Variants in PSD3 observed in about 807,000 individuals in gnomAD.
PSD3 encodes the protein PH and SEC7 domain-containing protein 3.
Under a neutral mutation model 105.5 loss-of-function variants are expected in PSD3, and 49 were observed. The observed-to-expected ratio is 0.46, with a 90% CI of 0.37 to 0.59. The LOEUF (loss-of-function observed/expected upper bound fraction) is 0.59. Among genes scored for constraint, PSD3 ranks in the 20% least tolerant of loss-of-function variants. The pLI, the probability that PSD3 is intolerant of heterozygous loss-of-function variation, is 0.00. For missense variants in PSD3, 1,561 were observed against 1,263.8 expected (o/e 1.24, Z -3.57); for synonymous variants, 557 against 457.8 (o/e 1.22, Z -2.77).
At chr8:18,926,183 T>A (rs1287773096) in intron 2 of PSD3, among the ~76,000 whole-genome samples, 1 of 151,848 alleles carries the variant, frequency 6.6e-6, no homozygotes, top group South Asian at 2.1e-4. Context: ...TAGAAGAATA[T>A]ACATTCAGAG....
At chr8:18,676,425 T>A (rs1800067852) in intron 9 of PSD3, among the ~76,000 whole-genome samples, 1 of 152,128 alleles carries the variant, frequency 6.6e-6, no homozygotes, top group Admixed American at 6.5e-5. Flanking sequence ...CTCTACCACC[T>A]CACTGATGCC....
At chr8:18,893,762 G>C (rs1324371714) in intron 2 of PSD3, among the ~76,000 whole-genome samples, 1 of 152,150 alleles carries the variant, frequency 6.6e-6, no homozygotes, top group Admixed American at 6.5e-5. Context: ...GAAAGGCAGG[G>C]TAAAGGATTT....
chr8:18,905,494 T>C (rs1819783631), intron 2 of PSD3, among the ~76,000 whole-genome samples: 1 of 152,186 alleles, frequency 6.6e-6, no homozygotes, highest in African/African-American at 2.4e-5. Context: ...CGGATAATTT[T>C]TGTATTTTTA....
intron 1 of PSD3, among the ~76,000 whole-genome samples, chr8:19,048,613 A>T (rs561593416): frequency 4.3e-4 from 66 of 152,320 alleles, no homozygotes; most frequent in African/African-American, 1.6e-3. Flanking sequence ...AATAAACATG[A>T]GAACTGTGAA....
chr8:18,535,823 T>G lies in PSD3; in HGVS notation c.3064A>C (p.Thr1022Pro). 1 of 1,614,136 alleles carries G rather than the reference T, an allele frequency of 6.2e-7. No individual in the cohort carries two copies. The highest frequency in any genetic ancestry group is 8.5e-7 in the Non-Finnish European group (1 of 1,180,004). Residue 1022 changes from threonine (T) to proline (P), a missense_variant, in exon 16 of 16, where the codon ACT becomes CCT. Thr to Pro is a conservative substitution (Grantham distance 38). Coordinates refer to ENST00000327040, the MANE Select transcript of PSD3 (RefSeq NM_015310.4). ...GACACGTTACGCTTGACTTTGGCAG[T>G]GATTGGAGAAGTATCCGGGTTCAGC... ...PSLNPDTSPI[T>P]AKVKRNVSER... is the part of the protein sequence containing the mutation.
chr8:18,826,947 T>C (rs1813240560), intron 4 of PSD3, among the ~76,000 whole-genome samples: 1 of 152,216 alleles, frequency 6.6e-6, no homozygotes, highest in Non-Finnish European at 1.5e-5. Context: ...GTGATATGAA[T>C]GGTATGATAA....
Position 18,632,724 on chromosome 8 carries a change from T to C in PSD3, c.2299A>G (p.Ile767Val). ...AAAAATGGGTTAGTAGTACTTCCAA[T>C]ACGACTGATGGTCTTTGGATGTGTT... is the stretch of plus-strand genomic sequence containing the variant. ...NGTHPKTISRIGSTTNPFLDI... is the reference protein window; with the variant it reads ...NGTHPKTISRVGSTTNPFLDI... Residue 767 changes from isoleucine (I) to valine (V), a missense_variant, in exon 11 of 16, where the codon ATT becomes GTT. Transcript: ENST00000327040. 6.2e-7 allele frequency: 1 copy of C among 1,608,474 alleles called. No individual in the cohort carries two copies. The highest frequency in any genetic ancestry group is 8.5e-7 in the Non-Finnish European group (1 of 1,175,158).
In PSD3 at chr8:18,758,512, C is replaced by G. The variant is rs531392587; in HGVS notation, c.2172+6937G>C. ...GTTTGAACTTACAAAAATGGCTTAT[C>G]TCTAGATTTTTAATGGCTGATTCAT... On this transcript the variant is annotated intron_variant, in intron 9 of 15. Coordinates refer to ENST00000327040, the MANE Select transcript of PSD3 (RefSeq NM_015310.4). 5.7e-4 allele frequency among the ~76,000 whole-genome samples: 85 copies of G among 150,286 alleles called. 2 individuals are homozygous for G. In the South Asian group the frequency reaches 9.6e-3, roughly 17 times the overall value.
chr8:18,957,673 C>G (rs968056386), intron 1 of PSD3, among the ~76,000 whole-genome samples: 1 of 152,210 alleles, frequency 6.6e-6, no homozygotes, highest in Non-Finnish European at 1.5e-5. Context: ...TACCTTATGT[C>G]TGGGCATTTT....
chr8:18,686,043 CA>C (rs1446289812), intron 9 of PSD3, among the ~76,000 whole-genome samples: 1 of 152,044 alleles, frequency 6.6e-6, no homozygotes, highest in African/African-American at 2.4e-5. Context: ...AAACAAACAA[CA>C]ACAACAACAA....
At position 18,890,694 on chromosome 8, in the gene PSD3, G is replaced by A. The variant is rs115048212; in HGVS notation, c.131-17961C>T. 5.4e-3 allele frequency among the ~76,000 whole-genome samples: 819 copies of A among 152,064 alleles called. 11 individuals are homozygous for A. Among genetic ancestry groups the A allele is most frequent in the African/African-American group, 0.019 (790 of 41,446 alleles). ...AAGTCACCTGCAAACCTCTATAATT[G>A]TCCTAGAGCTACTTCACAGATGAAC... On this transcript the variant is annotated intron_variant, in intron 2 of 15. Coordinates refer to ENST00000327040, the MANE Select transcript of PSD3 (RefSeq NM_015310.4).
rs927560853 is a variant in PSD3, at chr8:18,675,198, G to A, written c.2173-19513C>T. 1.1e-4 allele frequency among the ~76,000 whole-genome samples: 17 copies of A among 152,226 alleles called. No homozygotes were observed. In the East Asian group the frequency reaches 2.9e-3, roughly 26 times the overall value. On this transcript the variant is annotated intron_variant, in intron 9 of 15. Coordinates refer to ENST00000327040, the MANE Select transcript of PSD3 (RefSeq NM_015310.4). The stretch of plus-strand genomic sequence containing the variant: ...GGAGACCTTAGAAGAAAACTGTAAT[G>A]AAAAAGCTCAATAAGGATTCGTTCC...
At chr8:18,639,047 T>C (rs376145878) in intron 10 of PSD3, among the ~76,000 whole-genome samples, 44 of 152,254 alleles carry the variant, frequency 2.9e-4, no homozygotes, top group African/African-American at 1.0e-3. Flanking sequence ...CATCCCCTCT[T>C]CGATCCCTAC....
chr8:18,864,160 C>T (rs923286224), intron 4 of PSD3, among the ~76,000 whole-genome samples: 1 of 152,202 alleles, frequency 6.6e-6, no homozygotes, highest in Non-Finnish European at 1.5e-5. Context: ...TGGTCTTGTT[C>T]TAGATCTACC....
At chr8:18,817,760 G>T (rs1812334085) in intron 4 of PSD3, among the ~76,000 whole-genome samples, 1 of 152,164 alleles carries the variant, frequency 6.6e-6, no homozygotes, top group Non-Finnish European at 1.5e-5. Flanking sequence ...CTGCCAATGA[G>T]CTCTCTCTAT....
intron 9 of PSD3, among the ~76,000 whole-genome samples, chr8:18,657,197 T>G (rs1181588240): frequency 6.6e-6 from 1 of 152,230 alleles, no homozygotes; most frequent in Non-Finnish European, 1.5e-5. Flanking sequence ...TGTATTTCTA[T>G]CCTTTCGCCC....
chr8:18,600,751 T>A (rs1228466658), intron 11 of PSD3, among the ~76,000 whole-genome samples: 1 of 152,178 alleles, frequency 6.6e-6, no homozygotes, highest in Non-Finnish European at 1.5e-5. Flanking sequence ...CCAGGTAGCA[T>A]GGCTGACAAC....
chr8:18,637,165 T>C (rs1585459510), intron 10 of PSD3, among the ~76,000 whole-genome samples: 1 of 152,250 alleles, frequency 6.6e-6, no homozygotes, highest in East Asian at 1.9e-4. Context: ...ATTTATGTAC[T>C]AGAGTACAGT....
intron 12 of PSD3, among the ~76,000 whole-genome samples, chr8:18,586,353 G>A (rs1803184852): frequency 6.6e-6 from 1 of 152,100 alleles, no homozygotes; most frequent in South Asian, 2.1e-4. Context: ...GTTTTTCGGA[G>A]GGGGAAAGCC....
Sources: gnomAD v4.1 joint callset for allele counts (sites outside exome capture counted in the v4.1 genomes callset) on GRCh38, gnomAD v4.1.1 for gene constraint, MANE v1.5 for transcripts, NCBI Gene and HGNC (gene_info 2026-07-23, HGNC 2026-07-21) for gene names.